Variants in KIF13A observed in about 807,000 individuals in gnomAD.
KIF13A encodes kinesin family member 13A, also known as kinesin-like protein KIF13A.
In KIF13A, 79 loss-of-function variants were observed where a neutral mutation model predicts 212.2. That is an observed-to-expected ratio of 0.37 (90% CI 0.31 to 0.45). The LOEUF (loss-of-function observed/expected upper bound fraction) is 0.45. Ranked by LOEUF, KIF13A falls within the 20% of genes least tolerant of loss-of-function variation. KIF13A has a pLI of 1.00. For synonymous variants in KIF13A, 789 were observed against 808.6 expected, an observed-to-expected ratio of 0.98 and a Z score of 0.41; for missense variants, 1,901 against 2,209.0, an observed-to-expected ratio of 0.86 and a Z score of 2.79.
chr6:17,948,960 A>G (rs1019420119), intron 2 of KIF13A, among the ~76,000 whole-genome samples: 4 of 152,146 alleles, frequency 2.6e-5, no homozygotes, highest in Admixed American at 6.6e-5. Flanking sequence ...CTACACTCTA[A>G]TAAATACTTT....
rs1775539952 is a variant in KIF13A, at chr6:17,926,848, A to G, written c.147-28668T>C. ...TCTGGGAATATACCCAAAAGAAGAG[A>G]AAGCAGGGACTGGGCGCGGTGGCTC... On this transcript the variant is annotated intron_variant, in intron 2 of 38. Coordinates refer to ENST00000259711, the MANE Select transcript of KIF13A (RefSeq NM_022113.6). The surrounding 1 kb of genome is among the most constrained non-coding windows in gnomAD (Gnocchi z 4.3). Among the ~76,000 whole-genome samples the G allele has an allele frequency of 6.6e-6, 1 of 152,076 alleles. No individual in the cohort carries two copies. The highest frequency in any genetic ancestry group is 6.6e-5 in the Admixed American group (1 of 15,260).
At chr6:17,909,467 G>A (rs183298839) in intron 2 of KIF13A, among the ~76,000 whole-genome samples, 96 of 149,600 alleles carry the variant, frequency 6.4e-4, no homozygotes, top group African/African-American at 2.1e-3. Context: ...CCCAGGAGGC[G>A]GAGGTTGCAG....
intron 20 of KIF13A, among the ~76,000 whole-genome samples, chr6:17,802,751 T>C (rs1203686298): frequency 1.3e-5 from 2 of 151,868 alleles, no homozygotes; most frequent in Admixed American, 1.3e-4. Flanking sequence ...TAACTGTGCT[T>C]TTTCTTTTTG....
At chr6:17,874,360 C>T (rs1350662257) in intron 3 of KIF13A, among the ~76,000 whole-genome samples, 1 of 151,416 alleles carries the variant, frequency 6.6e-6, no homozygotes, top group Non-Finnish European at 1.5e-5. Flanking sequence ...TGTGAAGCAA[C>T]TTTACATGTT....
rs1766042349 is a variant in KIF13A at position 17,837,168 on chromosome 6, G to C, written c.943-78C>G. The stretch of plus-strand genomic sequence containing the variant: ...TATGATAAAAGCACTAAATGTGTTA[G>C]GTATGACATTATTCTCTATGAAGGA... On this transcript the variant is annotated intron_variant, in intron 10 of 38. Coordinates refer to ENST00000259711, the MANE Select transcript of KIF13A (RefSeq NM_022113.6). This position sits in a 1 kb window ranked among gnomAD's most constrained non-coding sequence, Gnocchi z 5.4. 8.3e-7 allele frequency: 1 copy of C among 1,203,196 alleles called. No individual in the cohort carries two copies. Among genetic ancestry groups the C allele is most frequent in the African/African-American group, 1.5e-5 (1 of 66,260 alleles). 74.5% of individuals were successfully genotyped at this position (1,203,196 alleles called of 1,614,324 possible).
chr6:17,861,220 T>G (rs545745433), intron 4 of KIF13A, among the ~76,000 whole-genome samples: 1 of 152,316 alleles, frequency 6.6e-6, no homozygotes, highest in African/African-American at 2.4e-5. Flanking sequence ...TCATTCTCCA[T>G]GTATTTTTAC....
chr6:17,795,311 G>A (rs1761933706), intron 23 of KIF13A, among the ~76,000 whole-genome samples: 1 of 152,066 alleles, frequency 6.6e-6, no homozygotes, highest in Non-Finnish European at 1.5e-5. Context: ...GGCTGGGTGT[G>A]GTGGCTCGAG....
At chr6:17,941,473 C>G (rs1053162733) in intron 2 of KIF13A, among the ~76,000 whole-genome samples, 26 of 152,090 alleles carry the variant, frequency 1.7e-4, no homozygotes, top group Non-Finnish European at 1.0e-4. Flanking sequence ...GAGATAGGAG[C>G]TTGAAAAAGG....
Position 17,825,663 on chromosome 6 carries a change from TAAAATGTGG to T in KIF13A, c.1786+96_1786+104del. On this transcript the variant is annotated intron_variant, in intron 16 of 38. Transcript: ENST00000259711. The surrounding 1 kb of genome is among the most constrained non-coding windows in gnomAD (Gnocchi z 4.5). ...AAAGAAATGAGCAGTTTTATGTGTT[TAAAATGTGG>T]AATGCGGAATGACACCTGATGCATG... 9.1e-7 allele frequency: 1 copy of T among 1,093,324 alleles called. No homozygotes were observed. Among genetic ancestry groups the T allele is most frequent in the East Asian group, 2.4e-5 (1 of 42,036 alleles). The allele number at this position is 1,093,324 out of a possible 1,614,324, so 67.7% of individuals were successfully genotyped here.
In KIF13A at chr6:17,771,465, G is replaced by T; in HGVS notation, c.4477-247C>A. ...CTTTTGACCAGGTACAACGGCTCAT[G>T]CCTGCAATCCCAGTGCCTTGGGAGG... On this transcript the variant is annotated intron_variant, in intron 37 of 38. Transcript: ENST00000259711. This position sits in a 1 kb window ranked among gnomAD's most constrained non-coding sequence, Gnocchi z 5.4. 2.1e-6 allele frequency: 1 copy of T among 474,426 alleles called. No homozygotes were observed. The allele number at this position is 474,426 out of a possible 1,614,324, so 29.4% of individuals were successfully genotyped here.
chr6:17,935,061 C>T (rs1345339376), intron 2 of KIF13A, among the ~76,000 whole-genome samples: 1 of 152,128 alleles, frequency 6.6e-6, no homozygotes, highest in Non-Finnish European at 1.5e-5. Flanking sequence ...TATTTAATAA[C>T]AAAAGCTTAT....
chr6:17,964,540 AAGTC>A (rs1747219541), intron 2 of KIF13A, among the ~76,000 whole-genome samples: 1 of 152,204 alleles, frequency 6.6e-6, no homozygotes, highest in African/African-American at 2.4e-5. Flanking sequence ...ATCAGTAGAA[AAGTC>A]AGTGTTATCT....
Position 17,920,258 on chromosome 6 carries a change from T to C in KIF13A, c.147-22078A>G, listed in dbSNP as rs1044227323. 3.4e-4 allele frequency among the ~76,000 whole-genome samples: 52 copies of C among 151,824 alleles called. 1 individual carries two copies. In the Middle Eastern group the frequency reaches 9.5e-3, roughly 28 times the overall value. On this transcript the variant is annotated intron_variant, in intron 2 of 38. Coordinates refer to ENST00000259711, the MANE Select transcript of KIF13A (RefSeq NM_022113.6). ...TCATGAAACATGTCTAAAAAAAAAATACAAGGTAAATTAGCATTCCTAGCA... is the reference window on the plus strand; with the variant it reads ...TCATGAAACATGTCTAAAAAAAAAACACAAGGTAAATTAGCATTCCTAGCA...
intron 4 of KIF13A, among the ~76,000 whole-genome samples, chr6:17,868,989 C>CAAAAAAAAAAAAAAAAAAAAAAAAAAA (rs71002278): frequency 9.6e-5 from 2 of 20,920 alleles, no homozygotes; most frequent in African/African-American, 2.8e-4. Flanking sequence ...GACTCCCTCT[C>CAAAAAAAAAAAAAAAAAAAAAAAAAAA]AAAAAAAAAA....
In KIF13A at chr6:17,987,246, C is replaced by T; in HGVS notation, c.56-102G>A. The T allele has an allele frequency of 4.8e-6, 5 of 1,034,762 alleles. No homozygotes were observed. Among genetic ancestry groups the T allele is most frequent in the Non-Finnish European group, 6.5e-6 (5 of 771,002 alleles). The allele number at this position is 1,034,762 out of a possible 1,614,324, so 64.1% of individuals were successfully genotyped here. On this transcript the variant is annotated intron_variant, in intron 1 of 38. Coordinates refer to ENST00000259711, the MANE Select transcript of KIF13A (RefSeq NM_022113.6). The surrounding 1 kb of genome is among the most constrained non-coding windows in gnomAD (Gnocchi z 7.7). ...GCGGGGCTCCGTCCCTGGAGGCGGC[C>T]GAGCCTGGAGACGGCGCCCCGGGCA...
chr6:17,980,169 T>A (rs1348707774), intron 2 of KIF13A, among the ~76,000 whole-genome samples: 1 of 152,128 alleles, frequency 6.6e-6, no homozygotes, highest in African/African-American at 2.4e-5. Context: ...TCCAAAGGAT[T>A]AGAAACCCAA....
chr6:17,841,997 ATACGTG>A (rs1162834008), intron 9 of KIF13A, among the ~76,000 whole-genome samples: 1 of 122,782 alleles, frequency 8.1e-6, no homozygotes, highest in South Asian at 2.8e-4. Flanking sequence ...GTATATACAC[ATACGTG>A]TGTGTGTGTG....
downstream of KIF13A, among the ~76,000 whole-genome samples, chr6:17,761,679 C>T (rs1041210877): frequency 3.3e-5 from 5 of 151,850 alleles, no homozygotes; most frequent in African/African-American, 1.2e-4. Context: ...CACTGCGCTC[C>T]GCTAAAAACT....
intron 33 of KIF13A, among the ~76,000 whole-genome samples, chr6:17,778,443 A>ACTTATCTTATCTTAAT (rs1189217806): frequency 5.3e-4 from 80 of 152,336 alleles, no homozygotes; most frequent in Non-Finnish European, 1.0e-3. Context: ...CTTATCTTAT[A>ACTTATCTTATCTTAAT]GTTGCATTAC....
Sources: allele counts gnomAD v4.1 joint callset (sites outside exome capture counted in the v4.1 genomes callset), GRCh38; gene constraint gnomAD v4.1.1; non-coding constraint Gnocchi (gnomAD v3.1); transcripts MANE v1.5; gene names NCBI Gene and HGNC (gene_info 2026-07-23, HGNC 2026-07-21).